The following FSTL5 variants were observed in gnomAD, a reference collection of about 807,000 sequenced individuals.
FSTL5 encodes the protein follistatin like 5.
In FSTL5, 62 loss-of-function variants were observed where a neutral mutation model predicts 89.1. That is an observed-to-expected ratio of 0.70 (90% CI 0.57 to 0.86). The LOEUF is 0.86. FSTL5 is among the 40% of genes least tolerant of loss of function. FSTL5 has a pLI of 0.00. For synonymous variants in FSTL5, 383 were observed against 346.2 expected, an observed-to-expected ratio of 1.11 and a Z score of -1.18; for missense variants, 1,057 against 1,001.6, an observed-to-expected ratio of 1.06 and a Z score of -0.75.
intron 1 of FSTL5, among the ~76,000 whole-genome samples, chr4:162,132,967 G>C (rs140249051): frequency 1.9e-3 from 288 of 152,218 alleles, no homozygotes; most frequent in Non-Finnish European, 3.3e-3. Context: ...TTTTGAGACG[G>C]AGTCTCGCTC....
intron 6 of FSTL5, among the ~76,000 whole-genome samples, chr4:161,718,868 G>T (rs1031201603): frequency 3.9e-5 from 6 of 152,130 alleles, no homozygotes; most frequent in Admixed American, 6.5e-5. Context: ...TGTCAAGGGG[G>T]ATCTGAATCA....
intron 5 of FSTL5, among the ~76,000 whole-genome samples, chr4:161,765,925 G>A (rs1386451977): frequency 3.3e-5 from 5 of 151,796 alleles, no homozygotes; most frequent in African/African-American, 1.2e-4. Flanking sequence ...CTCCCCAGTC[G>A]CTGGGATTAC....
intron 13 of FSTL5, among the ~76,000 whole-genome samples, chr4:161,461,945 AT>A (rs1400501931): frequency 6.7e-6 from 1 of 148,556 alleles, no homozygotes; most frequent in East Asian, 2.0e-4. Context: ...AAAAAAAAAA[AT>A]CTCATTGTTA....
intron 8 of FSTL5, 99 bp downstream of exon 8, chr4:161,587,356 T>A (rs1279333059): frequency 9.3e-7 from 1 of 1,079,806 alleles, no homozygotes; most frequent in African/African-American, 1.6e-5. Context: ...ACTTGAAATA[T>A]TATTAGTACC....
At chr4:162,080,881 T>C (rs1730065371) in intron 2 of FSTL5, among the ~76,000 whole-genome samples, 1 of 151,656 alleles carries the variant, frequency 6.6e-6, no homozygotes, top group South Asian at 2.1e-4. Flanking sequence ...ACTAAAAGGA[T>C]TCTAGTGTAT....
At chr4:161,808,235 T>G (rs1730027604) in intron 4 of FSTL5, among the ~76,000 whole-genome samples, 1 of 152,092 alleles carries the variant, frequency 6.6e-6, no homozygotes, top group Admixed American at 6.6e-5. Flanking sequence ...AATGTATGAT[T>G]GCAAAGTAAA....
At chr4:161,762,585 T>C (rs1295207093) in intron 5 of FSTL5, among the ~76,000 whole-genome samples, 1 of 152,190 alleles carries the variant, frequency 6.6e-6, no homozygotes, top group African/African-American at 2.4e-5. Context: ...TTTTATCTCA[T>C]ACCATTTTAC....
At chr4:162,153,848 C>T (rs1733363431) in intron 1 of FSTL5, among the ~76,000 whole-genome samples, 2 of 147,274 alleles carry the variant, frequency 1.4e-5, no homozygotes, top group South Asian at 4.3e-4. Flanking sequence ...TCTTGTTGCC[C>T]AGGCTGGAGT....
chr4:161,613,499 G>A (rs1200002355), intron 7 of FSTL5, among the ~76,000 whole-genome samples: 2 of 151,756 alleles, frequency 1.3e-5, no homozygotes, highest in Admixed American at 6.6e-5. Flanking sequence ...GTACTCAATA[G>A]TTGGTAAGGT....
intron 3 of FSTL5, among the ~76,000 whole-genome samples, chr4:162,027,200 T>C (rs939525424): frequency 1.3e-5 from 2 of 152,144 alleles, no homozygotes; most frequent in Admixed American, 6.6e-5. Context: ...TTTTAAATTG[T>C]AACAACTTAT....
intron 12 of FSTL5, chr4:161,495,419 A>G (rs945879869): frequency 6.6e-6 from 1 of 152,162 alleles, no homozygotes. Context: ...CATAAGTCTG[A>G]AATAGAATTC....
At chr4:161,885,822 A>T (rs1442853446) in intron 4 of FSTL5, among the ~76,000 whole-genome samples, 2 of 151,982 alleles carry the variant, frequency 1.3e-5, no homozygotes, top group Non-Finnish European at 2.9e-5. Context: ...GGGAGATAGT[A>T]TTGTGTGTGT....
At chr4:161,733,076 G>T (rs541665364) in intron 6 of FSTL5, among the ~76,000 whole-genome samples, 1 of 151,716 alleles carries the variant, frequency 6.6e-6, no homozygotes, top group South Asian at 2.1e-4. Context: ...AACTTTTGTA[G>T]AACTGATATC....
chr4:161,878,571 G>T (rs922521909), intron 4 of FSTL5, among the ~76,000 whole-genome samples: 1 of 151,764 alleles, frequency 6.6e-6, no homozygotes, highest in Non-Finnish European at 1.5e-5. Flanking sequence ...TATCCTAAAA[G>T]ATATATTTTT....
At chr4:161,778,141 C>A (rs1448862919) in intron 4 of FSTL5, among the ~76,000 whole-genome samples, 3 of 151,646 alleles carry the variant, frequency 2.0e-5, no homozygotes, top group African/African-American at 7.3e-5. Context: ...AGAAAAAATT[C>A]TCTAATATTT....
chr4:161,799,611 G>A (rs1314543451), intron 4 of FSTL5, among the ~76,000 whole-genome samples: 1 of 151,378 alleles, frequency 6.6e-6, no homozygotes, highest in Non-Finnish European at 1.5e-5. Flanking sequence ...AAAAGAAATG[G>A]GAAAGCAAGA....
intron 10 of FSTL5, among the ~76,000 whole-genome samples, chr4:161,526,461 C>A (rs185161300): frequency 1.7e-3 from 252 of 152,176 alleles, no homozygotes; most frequent in Non-Finnish European, 2.9e-3. Context: ...AATGGGCATA[C>A]CATTTTACTG....
chr4:161,915,855 T>G (rs1733823957), intron 4 of FSTL5, among the ~76,000 whole-genome samples: 1 of 152,144 alleles, frequency 6.6e-6, no homozygotes, highest in Non-Finnish European at 1.5e-5. Flanking sequence ...TTTGTTTAAA[T>G]GGTATAAAAG....
intron 15 of FSTL5, among the ~76,000 whole-genome samples, chr4:161,443,963 C>T (rs1415976655): frequency 6.6e-6 from 1 of 151,614 alleles, no homozygotes; most frequent in Non-Finnish European, 1.5e-5. Flanking sequence ...AGAAAAAAAT[C>T]TTCTATTTTT....
Sources: allele counts gnomAD v4.1 joint callset (sites outside exome capture counted in the v4.1 genomes callset), GRCh38; gene constraint gnomAD v4.1.1; transcripts MANE v1.5; gene names NCBI Gene and HGNC (gene_info 2026-07-23, HGNC 2026-07-21).